Variants in TMEM117 observed in about 807,000 individuals in gnomAD.
The protein encoded by TMEM117 is transmembrane protein 117.
A neutral mutation model predicts 52.4 loss-of-function variants in TMEM117; 27 were observed. That is an observed-to-expected ratio of 0.51 (90% confidence interval 0.38 to 0.71). The LOEUF is 0.71. Among genes scored for constraint, TMEM117 ranks in the 30% least tolerant of loss-of-function variants. The pLI, the probability that TMEM117 is intolerant of heterozygous loss-of-function variation, is 0.00. For missense variants in TMEM117, 556 were observed against 630.5 expected, an observed-to-expected ratio of 0.88 and a Z score of 1.26; for synonymous variants, 215 against 206.3, an observed-to-expected ratio of 1.04 and a Z score of -0.36.
intron 6 of TMEM117, among the ~76,000 whole-genome samples, chr12:44,303,793 T>C (rs1428951958): frequency 6.6e-6 from 1 of 152,182 alleles, no homozygotes; most frequent in Non-Finnish European, 1.5e-5. Context: ...AAGGAAAAGA[T>C]TCAGGTAATG....
At chr12:44,185,774 T>G (rs898115239) in intron 4 of TMEM117, among the ~76,000 whole-genome samples, 1 of 151,994 alleles carries the variant, frequency 6.6e-6, no homozygotes, top group African/African-American at 2.4e-5. Flanking sequence ...GTCTTTTTAC[T>G]TCTTTTTAAC....
At chr12:44,200,049 A>G (rs1949473926) in intron 4 of TMEM117, among the ~76,000 whole-genome samples, 2 of 152,068 alleles carry the variant, frequency 1.3e-5, no homozygotes, top group African/African-American at 4.8e-5. Flanking sequence ...AACCCTGGAG[A>G]TGGAGGTTGC....
chr12:44,073,782 C>T (rs1947340320), intron 3 of TMEM117: 1 of 152,058 alleles, frequency 6.6e-6, no homozygotes, highest in African/African-American at 2.4e-5. Context: ...AGTTGATGTC[C>T]AGTGTTCGGT....
chr12:43,912,802 T>G (rs56066688), intron 2 of TMEM117, among the ~76,000 whole-genome samples: 7,045 of 152,130 alleles, frequency 0.046, 210 homozygotes, highest in Middle Eastern at 0.13. Context: ...ATTAGTCTAA[T>G]TTATAGTTAT....
the TMEM117 span, among the ~76,000 whole-genome samples, chr12:43,822,867 A>G: frequency 6.6e-6 from 1 of 151,870 alleles, no homozygotes; most frequent in Admixed American, 6.6e-5. Context: ...ATGCCACTGC[A>G]CTACAGCCTG....
At chr12:44,260,910 G>A (rs962649347) in intron 5 of TMEM117, among the ~76,000 whole-genome samples, 1 of 152,132 alleles carries the variant, frequency 6.6e-6, no homozygotes, top group Non-Finnish European at 1.5e-5. Flanking sequence ...TTAGCAAGCT[G>A]CTTTTAAAAT....
intron 2 of TMEM117, among the ~76,000 whole-genome samples, chr12:43,863,313 A>G (rs186345876): frequency 5.8e-4 from 88 of 152,318 alleles, no homozygotes; most frequent in Non-Finnish European, 1.1e-3. Flanking sequence ...TGGAGCCTAA[A>G]GAGTAAGGAA....
chr12:44,315,139 C>G (rs2138682566), intron 6 of TMEM117, among the ~76,000 whole-genome samples: 1 of 152,030 alleles, frequency 6.6e-6, no homozygotes, highest in Non-Finnish European at 1.5e-5. Context: ...TTTGGATCTT[C>G]TCTTTTATTT....
chr12:43,804,153 TA>T, the TMEM117 span: 3 of 386,348 alleles, frequency 7.8e-6, no homozygotes, highest in Middle Eastern at 3.7e-4. Flanking sequence ...CACAAGTAAC[TA>T]TTTTTTTTTT....
chr12:44,282,598 A>G (rs1950591700), intron 5 of TMEM117, among the ~76,000 whole-genome samples: 1 of 152,232 alleles, frequency 6.6e-6, no homozygotes, highest in Non-Finnish European at 1.5e-5. Context: ...TATCTGCAGA[A>G]GAAATTTCTA....
At chr12:43,835,720 C>T (rs549989938), upstream of TMEM117, among the ~76,000 whole-genome samples, 113 of 152,286 alleles carry the variant, frequency 7.4e-4, 2 homozygotes, top group African/African-American at 2.5e-3. Context: ...GCCCCCCAAC[C>T]CCCACCAGGT....
At chr12:43,850,549 C>T (rs1164224291) in intron 2 of TMEM117, among the ~76,000 whole-genome samples, 1 of 152,084 alleles carries the variant, frequency 6.6e-6, no homozygotes, top group Non-Finnish European at 1.5e-5. Flanking sequence ...TGCTTTGTCA[C>T]CTTGGCTAGT....
intron 6 of TMEM117, among the ~76,000 whole-genome samples, chr12:44,301,607 G>A (rs1036188730): frequency 6.6e-6 from 1 of 152,198 alleles, no homozygotes; most frequent in Non-Finnish European, 1.5e-5. Flanking sequence ...TTCAAGAGGA[G>A]GGATGTAGTT....
At chr12:43,807,266 C>T in the TMEM117 span, among the ~76,000 whole-genome samples, 1 of 152,074 alleles carries the variant, frequency 6.6e-6, no homozygotes, top group African/African-American at 2.4e-5. Context: ...AATATAAGTG[C>T]AAGTTAATCA....
intron 5 of TMEM117, among the ~76,000 whole-genome samples, chr12:44,225,578 G>T (rs1432491167): frequency 6.6e-6 from 1 of 152,034 alleles, no homozygotes; most frequent in Non-Finnish European, 1.5e-5. Flanking sequence ...ATTATATGAA[G>T]ATACTTTTAT....
intron 4 of TMEM117, among the ~76,000 whole-genome samples, chr12:44,193,222 C>T (rs1949377301): frequency 6.6e-6 from 1 of 152,142 alleles, no homozygotes. Flanking sequence ...ACAAATTGAA[C>T]TGTTCCTAAG....
chr12:44,130,274 C>T (rs1246729452), intron 3 of TMEM117, among the ~76,000 whole-genome samples: 1 of 152,130 alleles, frequency 6.6e-6, no homozygotes, highest in East Asian at 1.9e-4. Context: ...TAAGTGGACA[C>T]TCATGTTGCT....
intron 7 of TMEM117, among the ~76,000 whole-genome samples, chr12:44,387,449 G>T (rs529227827): frequency 1.3e-5 from 2 of 152,102 alleles, no homozygotes; most frequent in South Asian, 2.1e-4. Context: ...TGTTCAATGA[G>T]AATTTGATGT....
At chr12:43,951,034 G>C (rs916576116) in intron 3 of TMEM117, among the ~76,000 whole-genome samples, 19 of 152,176 alleles carry the variant, frequency 1.2e-4, no homozygotes, top group African/African-American at 4.6e-4. Flanking sequence ...GCTTCACCCA[G>C]GAAGTGCATG....
Sources: allele counts gnomAD v4.1 joint callset (sites outside exome capture counted in the v4.1 genomes callset), GRCh38; gene constraint gnomAD v4.1.1; transcripts MANE v1.5; gene names NCBI Gene and HGNC (gene_info 2026-07-23, HGNC 2026-07-21).